MACROD2: variants seen among roughly 807,000 people sequenced by gnomAD.
MACROD2 encodes mono-ADP ribosylhydrolase 2, also known as ADP-ribose glycohydrolase MACROD2.
MACROD2 carries 36 observed loss-of-function variants against 70.4 expected under a neutral mutation model. The ratio of observed to expected loss-of-function variants is 0.51; its 90% confidence interval spans 0.39 to 0.68. The LOEUF (loss-of-function observed/expected upper bound fraction) is 0.68, where lower values mean the gene tolerates loss of function less well. Ranked by LOEUF, MACROD2 falls within the 30% of genes least tolerant of loss-of-function variation. The pLI, the probability that MACROD2 is intolerant of heterozygous loss-of-function variation, is 0.00. For synonymous variants in MACROD2, 172 were observed against 178.8 expected (o/e 0.96, Z 0.30); for missense variants, 496 against 538.4 (o/e 0.92, Z 0.78).
intron 5 of MACROD2, among the ~76,000 whole-genome samples, chr20:14,784,281 C>T (rs1172611205): frequency 1.3e-5 from 2 of 152,058 alleles, no homozygotes; most frequent in East Asian, 1.9e-4. Flanking sequence ...CCTGTTAATA[C>T]CCCAAGAGTT....
At chr20:15,186,983 A>G (rs1408313650) in intron 5 of MACROD2, among the ~76,000 whole-genome samples, 3 of 152,238 alleles carry the variant, frequency 2.0e-5, no homozygotes, top group Non-Finnish European at 4.4e-5. Flanking sequence ...ATATTTTAGT[A>G]TAAATCATTT....
intron 5 of MACROD2, among the ~76,000 whole-genome samples, chr20:15,127,893 C>T (rs947782872): frequency 6.6e-6 from 1 of 152,034 alleles, no homozygotes; most frequent in Non-Finnish European, 1.5e-5. Flanking sequence ...GACAACTAAC[C>T]CACCAACCTC....
At chr20:14,494,418 T>C (rs1053611387) in intron 4 of MACROD2, among the ~76,000 whole-genome samples, 3 of 152,126 alleles carry the variant, frequency 2.0e-5, no homozygotes, top group South Asian at 2.1e-4. Flanking sequence ...GTAAGAACAG[T>C]TGATTTTTAA....
chr20:14,169,390 C>T (rs906909631), intron 3 of MACROD2, among the ~76,000 whole-genome samples: 13 of 152,230 alleles, frequency 8.5e-5, no homozygotes, highest in Admixed American at 2.6e-4. Flanking sequence ...CTGCAACCTC[C>T]GCCTACTGTG....
At chr20:14,502,368 AT>A (rs2084923887) in intron 4 of MACROD2, among the ~76,000 whole-genome samples, 3 of 152,314 alleles carry the variant, frequency 2.0e-5, no homozygotes, top group Middle Eastern at 3.4e-3. Flanking sequence ...ATGGCAACAA[AT>A]TCAAGATCTC....
At position 14,230,648 on chromosome 20, in the gene MACROD2, T is replaced by TAA. The variant is rs1271411192; in HGVS notation, c.271+144921_271+144922insAA. ...ATTCATGTTTATATATATATATATA[T>TAA]ATATATAACACAGGCTGGGCCTATA... On this transcript the variant is annotated intron_variant, in intron 3 of 17. Transcript: ENST00000684519. Among the ~76,000 whole-genome samples, 70 of 21,522 alleles carry TAA rather than the reference T, an allele frequency of 3.3e-3. 5 individuals are homozygous for TAA. In the East Asian group the frequency reaches 0.11, roughly 33 times the overall value. The allele number at this position is 21,522 out of a possible 152,430, so 14.1% of individuals were successfully genotyped here.
intron 6 of MACROD2, among the ~76,000 whole-genome samples, chr20:15,388,039 T>C (rs778854437): frequency 2.0e-5 from 3 of 152,072 alleles, no homozygotes; most frequent in Non-Finnish European, 2.9e-5. Context: ...AAACTGTTAG[T>C]GGAGGGGAGG....
intron 5 of MACROD2, among the ~76,000 whole-genome samples, chr20:15,125,194 A>G (rs1311538097): frequency 6.6e-6 from 1 of 152,086 alleles, no homozygotes; most frequent in South Asian, 2.1e-4. Context: ...CATCGACTGC[A>G]TGGCACTATG....
chr20:14,217,498 G>C (rs1435366385), intron 3 of MACROD2, among the ~76,000 whole-genome samples: 1 of 151,982 alleles, frequency 6.6e-6, no homozygotes, highest in Non-Finnish European at 1.5e-5. Context: ...TCCTGGTTTT[G>C]GTATTAGGGT....
intron 5 of MACROD2, chr20:15,196,910 C>T (rs2076610756): frequency 1.0e-6 from 1 of 985,230 alleles, no homozygotes; most frequent in South Asian, 4.7e-5. Context: ...GCACTTGCCA[C>T]ATTTTGGAAA....
At chr20:16,032,756 GGGAAGAGAGGAA>G (rs201685550) in intron 15 of MACROD2, among the ~76,000 whole-genome samples, 14,003 of 99,360 alleles carry the variant, frequency 0.14, 751 homozygotes, top group Middle Eastern at 0.27. Context: ...AAAGGGAGGA[GGGAAGAGAGGAA>G]GGAAGAGAGG....
At chr20:15,991,457 G>A (rs1388077808) in intron 15 of MACROD2, among the ~76,000 whole-genome samples, 2 of 152,162 alleles carry the variant, frequency 1.3e-5, no homozygotes, top group African/African-American at 4.8e-5. Context: ...CACTAGCAGT[G>A]TTGCCATACA....
chr20:14,004,713 T>C (rs1425097221), intron 2 of MACROD2, among the ~76,000 whole-genome samples: 2 of 152,234 alleles, frequency 1.3e-5, no homozygotes, highest in East Asian at 1.9e-4. Flanking sequence ...ACTATACATA[T>C]GGTTATATTT....
At chr20:15,429,380 CT>C (rs768744234) in intron 6 of MACROD2, among the ~76,000 whole-genome samples, 1 of 152,090 alleles carries the variant, frequency 6.6e-6, no homozygotes, top group Non-Finnish European at 1.5e-5. Context: ...AACTGTTCTA[CT>C]TTCTCATTAT....
intron 5 of MACROD2, among the ~76,000 whole-genome samples, chr20:15,089,284 A>G (rs1317332018): frequency 6.6e-6 from 1 of 152,140 alleles, no homozygotes; most frequent in Non-Finnish European, 1.5e-5. Context: ...AACACTAATT[A>G]AGGATCTTTA....
intron 8 of MACROD2, among the ~76,000 whole-genome samples, chr20:15,559,629 G>C (rs1225310588): frequency 4.6e-5 from 7 of 152,200 alleles, no homozygotes; most frequent in African/African-American, 1.2e-4. Flanking sequence ...GACGGGTTGA[G>C]TGGCAAGAGC....
At chr20:14,639,901 C>A (rs1181684203) in intron 4 of MACROD2, among the ~76,000 whole-genome samples, 3 of 152,042 alleles carry the variant, frequency 2.0e-5, no homozygotes, top group Non-Finnish European at 4.4e-5. Flanking sequence ...TTTTTTGTCA[C>A]TCCCTCAAGC....
At chr20:15,272,638 A>G (rs1439043589) in intron 6 of MACROD2, among the ~76,000 whole-genome samples, 4 of 152,174 alleles carry the variant, frequency 2.6e-5, no homozygotes, top group Non-Finnish European at 2.9e-5. Context: ...CGCATGTACC[A>G]TTTACATTTA....
intron 4 of MACROD2, among the ~76,000 whole-genome samples, chr20:14,520,653 A>G (rs2085157273): frequency 6.6e-6 from 1 of 152,106 alleles, no homozygotes; most frequent in African/African-American, 2.4e-5. Flanking sequence ...ATTCTTTATA[A>G]TTCAGCTCAA....
Sources: gnomAD v4.1 joint callset for allele counts (sites outside exome capture counted in the v4.1 genomes callset) on GRCh38, gnomAD v4.1.1 for gene constraint, MANE v1.5 for transcripts, NCBI Gene and HGNC (gene_info 2026-07-23, HGNC 2026-07-21) for gene names.